The following TMEM135 variants were observed in gnomAD, a reference collection of about 807,000 sequenced individuals.
TMEM135 encodes peroxisomal membrane protein 52.
In TMEM135, 30 loss-of-function variants were observed where a neutral mutation model predicts 60.3. The ratio of observed to expected loss-of-function variants is 0.50; its 90% CI spans 0.37 to 0.68. The LOEUF is 0.68. Ranked by LOEUF, TMEM135 falls within the 30% of genes least tolerant of loss-of-function variation. The pLI is 0.00. For synonymous variants in TMEM135, 190 were observed against 186.7 expected (o/e 1.02, Z -0.14); for missense variants, 468 against 548.8 (o/e 0.85, Z 1.47).
At position 87,323,559 on chromosome 11, in the gene TMEM135, A is replaced by G. The variant is rs1369047163; in HGVS notation, c.*2226A>G. On this transcript the variant is annotated 3_prime_UTR_variant, in exon 15 of 15. Transcript: ENST00000305494. The stretch of plus-strand genomic sequence containing the variant: ...GTTTTTTAGTTTATTTATATCCTGA[A>G]GAAATGGTAAGTTTTCACTGGAACT... 2.2e-6 allele frequency: 1 copy of G among 453,090 alleles called. No homozygotes were observed. Among genetic ancestry groups the G allele is most frequent in the Admixed American group, 2.4e-5 (1 of 42,394 alleles). The allele number at this position is 453,090 out of a possible 1,614,324, so 28.1% of individuals were successfully genotyped here. A position where few individuals can be genotyped will look rare whatever the true frequency, so the allele number is the denominator to read the frequency against.
chr11:87,253,101 ACTTT>A (rs776746864), intron 6 of TMEM135, among the ~76,000 whole-genome samples: 1 of 114,590 alleles, frequency 8.7e-6, no homozygotes, highest in Non-Finnish European at 1.9e-5. Flanking sequence ...CTGTGATCTG[ACTTT>A]CTTTATTGGT....
chr11:87,169,319 T>G (rs1454458203), intron 5 of TMEM135, among the ~76,000 whole-genome samples: 1 of 150,380 alleles, frequency 6.6e-6, no homozygotes, highest in Non-Finnish European at 1.5e-5. Flanking sequence ...TTAATATTGT[T>G]ATGTGTGAAT....
chr11:87,325,489 G>GCTCT lies in TMEM135; in HGVS notation c.*4166_*4169dup, dbSNP rs746245515. On this transcript the variant is annotated 3_prime_UTR_variant, in exon 15 of 15. Coordinates refer to ENST00000305494, the MANE Select transcript of TMEM135 (RefSeq NM_022918.4). ...ATTATTCTGTTGCTGTTTTATGTGG[G>GCTCT]CTCTCTCTCTCTCCCTCTCTCTCTC... is the stretch of plus-strand genomic sequence containing the variant. 1 of 453,266 alleles carries GCTCT rather than the reference G, an allele frequency of 2.2e-6. No homozygotes were observed. The highest frequency in any genetic ancestry group is 2.4e-5 in the Admixed American group (1 of 42,448). 28.1% of individuals were successfully genotyped at this position (453,266 alleles called of 1,614,324 possible).
chr11:87,045,850 CTATTGG>C (rs1949791129), intron 1 of TMEM135, among the ~76,000 whole-genome samples: 2 of 152,166 alleles, frequency 1.3e-5, no homozygotes, highest in Non-Finnish European at 1.5e-5. Context: ...TGAACCTAGA[CTATTGG>C]TATTGAAATA....
intron 6 of TMEM135, among the ~76,000 whole-genome samples, chr11:87,265,356 T>C (rs1591152644): frequency 6.6e-6 from 1 of 152,022 alleles, no homozygotes; most frequent in East Asian, 1.9e-4. Context: ...ACCAAGTTCC[T>C]GTCATCCATG....
intron 5 of TMEM135, among the ~76,000 whole-genome samples, chr11:87,167,486 A>G (rs866450138): frequency 4.0e-4 from 61 of 152,152 alleles, no homozygotes; most frequent in African/African-American, 1.3e-3. Flanking sequence ...TGATCCATCA[A>G]TACCTAGTTT....
At chr11:87,305,023 C>A (rs1942515444) in intron 8 of TMEM135, among the ~76,000 whole-genome samples, 1 of 152,180 alleles carries the variant, frequency 6.6e-6, no homozygotes, top group Admixed American at 6.5e-5. Flanking sequence ...AAGTGGTTTA[C>A]AATTAAATCA....
At chr11:87,221,560 C>G (rs1940616786) in intron 5 of TMEM135, among the ~76,000 whole-genome samples, 1 of 152,106 alleles carries the variant, frequency 6.6e-6, no homozygotes, top group Non-Finnish European at 1.5e-5. Context: ...GTTATATGGA[C>G]TAGATTCATT....
chr11:87,305,602 C>G (rs1463755748), intron 8 of TMEM135, among the ~76,000 whole-genome samples: 1 of 151,842 alleles, frequency 6.6e-6, no homozygotes, highest in South Asian at 2.1e-4. Flanking sequence ...AGTGAAACCC[C>G]ATCTCTACTA....
intron 6 of TMEM135, among the ~76,000 whole-genome samples, chr11:87,278,546 A>G (rs1942006158): frequency 1.3e-5 from 2 of 152,084 alleles, no homozygotes; most frequent in Admixed American, 1.3e-4. Flanking sequence ...TTGTATTTTT[A>G]GTAGAGACAA....
At chr11:87,268,381 G>A (rs1300348164) in intron 6 of TMEM135, among the ~76,000 whole-genome samples, 3 of 151,806 alleles carry the variant, frequency 2.0e-5, no homozygotes, top group Non-Finnish European at 2.9e-5. Context: ...CTCCCAAAGT[G>A]TTGGGATTAC....
chr11:87,130,732 C>T (rs1282485635), intron 4 of TMEM135, among the ~76,000 whole-genome samples: 1 of 151,934 alleles, frequency 6.6e-6, no homozygotes, highest in Non-Finnish European at 1.5e-5. Context: ...GAGCTCCTGG[C>T]CTCAAGCGCT....
chr11:87,318,166 G>GA lies in TMEM135; in HGVS notation c.1109dup (p.Val371GlyfsTer55). The GA allele has an allele frequency of 6.2e-7, 1 of 1,612,900 alleles. No individual in the cohort carries two copies. Among genetic ancestry groups the GA allele is most frequent in the East Asian group, 2.2e-5 (1 of 44,830 alleles). On this transcript the variant is annotated frameshift_variant, in exon 13 of 15. Transcript: ENST00000305494. LOFTEE classifies it high-confidence loss of function. ...TGTATTTCAAAGGCATTGAAGCAGGGAAGGTTCCCTATTTTCCTCATGCAG... is the reference window on the plus strand; with the variant it reads ...TGTATTTCAAAGGCATTGAAGCAGGGAAAGGTTCCCTATTTTCCTCATGCAG...
rs762032786 is a variant in TMEM135 at position 87,309,493 on chromosome 11, A to T, written c.769-12A>T. On this transcript the variant is annotated splice_polypyrimidine_tract_variant and intron_variant, in intron 9 of 14. Transcript: ENST00000305494. ...TGTTTGTAAATCAGGTTTTTCTCCA[A>T]ATTTCCTCTAGGGTTTCATCAGAAT... is the stretch of plus-strand genomic sequence containing the variant. 1.8e-5 allele frequency: 29 copies of T among 1,613,238 alleles called. No individual in the cohort carries two copies. The East Asian group carries it at 6.5e-4, about 36-fold the overall frequency.
At chr11:87,163,343 C>T (rs1214885984) in intron 5 of TMEM135, among the ~76,000 whole-genome samples, 4 of 144,182 alleles carry the variant, frequency 2.8e-5, no homozygotes, top group African/African-American at 1.0e-4. Context: ...CAATTTCATC[C>T]ATGTCCCTAC....
At chr11:87,240,777 A>G (rs371145892) in intron 6 of TMEM135, among the ~76,000 whole-genome samples, 1 of 152,178 alleles carries the variant, frequency 6.6e-6, no homozygotes. Context: ...ATAGTACTGT[A>G]AAGTGTATTA....
At chr11:87,072,722 ATTG>A (rs1856794692) in intron 3 of TMEM135, among the ~76,000 whole-genome samples, 1 of 152,118 alleles carries the variant, frequency 6.6e-6, no homozygotes, top group South Asian at 2.1e-4. Context: ...AAAATTTTTT[ATTG>A]TTATCAGCCT....
At chr11:87,272,747 C>T (rs1326825523) in intron 6 of TMEM135, among the ~76,000 whole-genome samples, 1 of 152,166 alleles carries the variant, frequency 6.6e-6, no homozygotes, top group Non-Finnish European at 1.5e-5. Context: ...CAGATGTGAG[C>T]CATCATACCC....
chr11:87,200,250 G>T (rs550012787), intron 5 of TMEM135, among the ~76,000 whole-genome samples: 89 of 152,158 alleles, frequency 5.8e-4, no homozygotes, highest in African/African-American at 2.0e-3. Flanking sequence ...ACCTTCACAG[G>T]TTTTAGACTC....
Sources: allele counts gnomAD v4.1 joint callset (sites outside exome capture counted in the v4.1 genomes callset), GRCh38; gene constraint gnomAD v4.1.1; transcripts MANE v1.5; gene names NCBI Gene and HGNC (gene_info 2026-07-23, HGNC 2026-07-21).